The following NXPE2 variants were observed in gnomAD, a reference collection of about 807,000 sequenced individuals.
NXPE2 encodes the protein neurexophilin and PC-esterase domain family member 2, also known as NXPE family member 2.
Under a neutral mutation model 34.4 loss-of-function variants are expected in NXPE2, and 34 were observed. That is an observed-to-expected ratio of 0.99 (90% CI 0.75 to 1.31). The LOEUF is 1.31. NXPE2 is among the 40% of genes most tolerant of loss of function. The pLI is 0.00. For missense variants in NXPE2, 649 were observed against 672.5 expected (o/e 0.97, Z 0.39); for synonymous variants, 235 against 231.3 (o/e 1.02, Z -0.15).
chr11:114,505,053 A>G, the NXPE2 span, among the ~76,000 whole-genome samples: 10 of 152,366 alleles, frequency 6.6e-5, no homozygotes, highest in Admixed American at 5.2e-4. Flanking sequence ...CTGTCCTGAT[A>G]GAACTGAAAA....
the NXPE2 span, among the ~76,000 whole-genome samples, chr11:114,784,679 A>G: frequency 1.3e-3 from 203 of 152,116 alleles, 1 homozygote; most frequent in Admixed American, 3.8e-3. Flanking sequence ...TAAGGGGGGA[A>G]AAAAAGCTCT....
downstream of NXPE2, among the ~76,000 whole-genome samples, chr11:114,708,426 A>G (rs1951506247): frequency 6.6e-6 from 1 of 152,126 alleles, no homozygotes; most frequent in African/African-American, 2.4e-5. Context: ...CACCCTTTCT[A>G]TTAATATACT....
At chr11:114,620,791 T>C in the NXPE2 span, among the ~76,000 whole-genome samples, 11 of 152,136 alleles carry the variant, frequency 7.2e-5, no homozygotes, top group South Asian at 2.3e-3. Flanking sequence ...TGGTGGATAA[T>C]AAGTGTTGCC....
At chr11:114,800,017 A>G in the NXPE2 span, among the ~76,000 whole-genome samples, 13 of 152,056 alleles carry the variant, frequency 8.5e-5, no homozygotes, top group African/African-American at 2.9e-4. Flanking sequence ...CTAAGGAAAT[A>G]TAACACAAGC....
chr11:114,660,818 G>A, the NXPE2 span, among the ~76,000 whole-genome samples: 4 of 152,048 alleles, frequency 2.6e-5, no homozygotes, highest in Non-Finnish European at 5.9e-5. Flanking sequence ...TATTTTCACA[G>A]CCAATATGAT....
the NXPE2 span, among the ~76,000 whole-genome samples, chr11:114,723,028 C>T: frequency 6.6e-6 from 1 of 152,062 alleles, no homozygotes; most frequent in South Asian, 2.1e-4. Context: ...GTTTGAAAAC[C>T]TTCAAAACAT....
chr11:114,744,225 C>T, the NXPE2 span, among the ~76,000 whole-genome samples: 5 of 152,048 alleles, frequency 3.3e-5, no homozygotes, highest in Non-Finnish European at 5.9e-5. Context: ...AGAGATACAC[C>T]AAAATGTGGC....
chr11:114,587,742 A>T, the NXPE2 span, among the ~76,000 whole-genome samples: 1 of 152,130 alleles, frequency 6.6e-6, no homozygotes, highest in African/African-American at 2.4e-5. Flanking sequence ...GACTAAAGGG[A>T]CACCTTTTTT....
At chr11:114,467,890 T>C in the NXPE2 span, among the ~76,000 whole-genome samples, 44,158 of 151,800 alleles carry the variant, frequency 0.29, 6,713 homozygotes, top group East Asian at 0.37. Flanking sequence ...GAGCCGAGAT[T>C]GTGTCACTGC....
At chr11:114,623,383 A>G in the NXPE2 span, among the ~76,000 whole-genome samples, 2 of 151,942 alleles carry the variant, frequency 1.3e-5, no homozygotes, top group Non-Finnish European at 2.9e-5. Context: ...ACGTGGGATA[A>G]TAAGTATTGC....
chr11:114,571,541 A>T, the NXPE2 span: 1 of 1,348,942 alleles, frequency 7.4e-7, no homozygotes, highest in Non-Finnish European at 1.0e-6. Flanking sequence ...AGATATAAAG[A>T]TGGAAGAGAT....
the NXPE2 span, among the ~76,000 whole-genome samples, chr11:114,491,277 T>C: frequency 1.7e-4 from 26 of 151,358 alleles, no homozygotes; most frequent in African/African-American, 5.4e-4. Flanking sequence ...GACGAAGGGC[T>C]AATATCCAGA....
the NXPE2 span, chr11:114,522,098 A>G: frequency 6.2e-7 from 1 of 1,614,136 alleles, no homozygotes; most frequent in Non-Finnish European, 8.5e-7. Flanking sequence ...GTCTTTGAAA[A>G]TATCCTTCAT....
At chr11:114,605,114 T>C in the NXPE2 span, among the ~76,000 whole-genome samples, 1 of 151,500 alleles carries the variant, frequency 6.6e-6, no homozygotes, top group Non-Finnish European at 1.5e-5. Flanking sequence ...TGTTACCCTG[T>C]GGAAGATAAG....
At chr11:114,546,371 A>G in the NXPE2 span, among the ~76,000 whole-genome samples, 2 of 152,178 alleles carry the variant, frequency 1.3e-5, no homozygotes, top group Non-Finnish European at 2.9e-5. Context: ...GTATGAGCCC[A>G]TGTTTAGCTT....
Position 114,706,598 on chromosome 11 carries a change from C to T in NXPE2, c.1348C>T (p.Leu450Phe). Residue 450 changes from leucine (L) to phenylalanine (F), a missense_variant, in exon 6 of 6, where the codon CTC (leucine) becomes TTC (phenylalanine). Coordinates refer to ENST00000389586, the MANE Select transcript of NXPE2 (RefSeq NM_182495.6). Reference protein sequence around the residue: ...GDKNTAIVITLGQHFRPFPIN... With the variant: ...GDKNTAIVITFGQHFRPFPIN... ...CAAAAACACAGCCATTGTCATTACC[C>T]TCGGCCAACACTTCAGACCCTTTCC... is the stretch of plus-strand genomic sequence containing the variant. The T allele has an allele frequency of 6.4e-7, 1 of 1,551,878 alleles. No individual in the cohort carries two copies. Among genetic ancestry groups the T allele is most frequent in the Non-Finnish European group, 8.7e-7 (1 of 1,146,980 alleles).
At chr11:114,522,730 G>A in the NXPE2 span, 1 of 675,860 alleles carries the variant, frequency 1.5e-6, no homozygotes, top group Admixed American at 3.0e-5. Context: ...ATGAAAGAAG[G>A]AATAAAATAC....
the NXPE2 span, among the ~76,000 whole-genome samples, chr11:114,759,745 A>G: frequency 6.6e-6 from 1 of 152,150 alleles, no homozygotes; most frequent in African/African-American, 2.4e-5. Flanking sequence ...TAATTTTGTC[A>G]GTGGTAGATA....
At chr11:114,806,910 T>G in the NXPE2 span, among the ~76,000 whole-genome samples, 2 of 151,862 alleles carry the variant, frequency 1.3e-5, no homozygotes, top group Non-Finnish European at 1.5e-5. Flanking sequence ...AAAGTTGAAA[T>G]GAAGGAAAAA....
Sources: allele counts gnomAD v4.1 joint callset (sites outside exome capture counted in the v4.1 genomes callset), GRCh38; gene constraint gnomAD v4.1.1; transcripts MANE v1.5; gene names NCBI Gene and HGNC (gene_info 2026-07-23, HGNC 2026-07-21).